Variants in LRRTM4 observed in about 807,000 individuals in gnomAD.
LRRTM4 encodes the protein leucine-rich repeat transmembrane neuronal protein 4.
LRRTM4 carries 25 observed loss-of-function variants against 47.6 expected under a neutral mutation model. The observed-to-expected ratio is 0.53, with a 90% CI of 0.38 to 0.73. The LOEUF (loss-of-function observed/expected upper bound fraction) is 0.73. Among genes scored for constraint, LRRTM4 ranks in the 30% least tolerant of loss-of-function variants. The probability of loss-of-function intolerance (pLI) is 0.00; values close to 1 mark genes in which losing one functional copy is unlikely to be tolerated. For missense variants in LRRTM4, 638 were observed against 713.4 expected, an observed-to-expected ratio of 0.89 and a Z score of 1.20; for synonymous variants, 311 against 269.5, an observed-to-expected ratio of 1.15 and a Z score of -1.51.
intron 3 of LRRTM4, among the ~76,000 whole-genome samples, chr2:76,994,523 C>A (rs1307202803): frequency 6.7e-6 from 1 of 150,072 alleles, no homozygotes; most frequent in Non-Finnish European, 1.5e-5. Flanking sequence ...TGTCTCTGAT[C>A]CAGGAGCCTC....
intron 3 of LRRTM4, among the ~76,000 whole-genome samples, chr2:77,060,841 A>T (rs1176458916): frequency 1.3e-5 from 2 of 152,144 alleles, no homozygotes; most frequent in Non-Finnish European, 1.5e-5. Context: ...AGAAAAATTC[A>T]TGGAAACATG....
chr2:76,951,116 T>C (rs1042513916), intron 3 of LRRTM4, among the ~76,000 whole-genome samples: 1 of 152,086 alleles, frequency 6.6e-6, no homozygotes, highest in Non-Finnish European at 1.5e-5. Flanking sequence ...AATGATAGAT[T>C]GGCTGCTCTG....
At chr2:76,869,902 A>G (rs1672574542) in intron 3 of LRRTM4, among the ~76,000 whole-genome samples, 1 of 152,326 alleles carries the variant, frequency 6.6e-6, no homozygotes, top group African/African-American at 2.4e-5. Flanking sequence ...ATAAAATTAC[A>G]TTTGCTTTCT....
chr2:76,864,748 T>G (rs1396271137), intron 3 of LRRTM4, among the ~76,000 whole-genome samples: 2 of 150,950 alleles, frequency 1.3e-5, no homozygotes, highest in Non-Finnish European at 3.0e-5. Context: ...TAAGACAAGG[T>G]CTCTCTGTTT....
At chr2:76,931,040 T>A (rs1287477977) in intron 3 of LRRTM4, among the ~76,000 whole-genome samples, 1 of 152,106 alleles carries the variant, frequency 6.6e-6, no homozygotes, top group Non-Finnish European at 1.5e-5. Context: ...GTATTTTACA[T>A]TTGTTTAAAA....
At chr2:77,056,250 AG>A (rs1197742480) in intron 3 of LRRTM4, among the ~76,000 whole-genome samples, 1 of 152,196 alleles carries the variant, frequency 6.6e-6, no homozygotes, top group Non-Finnish European at 1.5e-5. Flanking sequence ...CAGTTTAGAG[AG>A]ACCAATAAAT....
chr2:77,074,006 T>TA (rs1680251013), intron 3 of LRRTM4, among the ~76,000 whole-genome samples: 1 of 152,134 alleles, frequency 6.6e-6, no homozygotes, highest in African/African-American at 2.4e-5. Flanking sequence ...ATAAATAACA[T>TA]ATTGTGTACA....
At chr2:77,235,324 A>G (rs1366350391) in intron 3 of LRRTM4, among the ~76,000 whole-genome samples, 2 of 152,212 alleles carry the variant, frequency 1.3e-5, no homozygotes, top group East Asian at 1.9e-4. Context: ...GGCTGCTCAT[A>G]TATCTTCTTC....
At chr2:76,975,200 GTTTC>G (rs527915854) in intron 3 of LRRTM4, among the ~76,000 whole-genome samples, 8 of 151,648 alleles carry the variant, frequency 5.3e-5, no homozygotes, top group Non-Finnish European at 1.0e-4. Context: ...TGCTAACTGA[GTTTC>G]TTTTTTTCTC....
At chr2:77,016,749 A>C (rs1242486631) in intron 3 of LRRTM4, among the ~76,000 whole-genome samples, 1 of 152,148 alleles carries the variant, frequency 6.6e-6, no homozygotes, top group Non-Finnish European at 1.5e-5. Context: ...TACATATTAG[A>C]ATTACACTTT....
At chr2:77,092,314 A>C (rs1055815545) in intron 3 of LRRTM4, among the ~76,000 whole-genome samples, 48 of 151,124 alleles carry the variant, frequency 3.2e-4, no homozygotes, top group African/African-American at 1.0e-3. Flanking sequence ...CATTTCCCCA[A>C]ATTTCCTTCT....
At chr2:77,510,426 A>G (rs1678939898) in intron 3 of LRRTM4, among the ~76,000 whole-genome samples, 1 of 152,120 alleles carries the variant, frequency 6.6e-6, no homozygotes, top group South Asian at 2.1e-4. Context: ...TCACAATTTC[A>G]AGGCTTTGCC....
At chr2:76,756,158 A>G (rs1673024302) in intron 3 of LRRTM4, among the ~76,000 whole-genome samples, 1 of 152,172 alleles carries the variant, frequency 6.6e-6, no homozygotes, top group African/African-American at 2.4e-5. Flanking sequence ...ACAGTATCAC[A>G]TGATAATTGG....
chr2:76,925,835 T>G (rs1674572935), intron 3 of LRRTM4, among the ~76,000 whole-genome samples: 1 of 152,140 alleles, frequency 6.6e-6, no homozygotes, highest in Admixed American at 6.6e-5. Context: ...GAACTAGCTA[T>G]ACTCCCAAGA....
At chr2:77,055,942 A>G (rs1024368855) in intron 3 of LRRTM4, among the ~76,000 whole-genome samples, 292 of 150,920 alleles carry the variant, frequency 1.9e-3, no homozygotes, top group African/African-American at 7.0e-3. Flanking sequence ...TTGCAAGAAC[A>G]AAAAACCAAA....
At chr2:76,946,217 T>C (rs1233497976) in intron 3 of LRRTM4, among the ~76,000 whole-genome samples, 4 of 151,926 alleles carry the variant, frequency 2.6e-5, no homozygotes, top group Non-Finnish European at 5.9e-5. Flanking sequence ...GGACATAATA[T>C]AAATATGCAT....
chr2:77,372,099 C>CT (rs1327583995), intron 3 of LRRTM4, among the ~76,000 whole-genome samples: 6 of 151,868 alleles, frequency 4.0e-5, no homozygotes, highest in African/African-American at 1.4e-4. Flanking sequence ...GACACTAAAG[C>CT]TTTAAAAAAA....
chr2:77,473,666 G>C (rs1002792660), intron 3 of LRRTM4, among the ~76,000 whole-genome samples: 1 of 152,022 alleles, frequency 6.6e-6, no homozygotes, highest in Non-Finnish European at 1.5e-5. Flanking sequence ...TGACTTAATT[G>C]TTTCTTTGGG....
chr2:76,955,058 C>G (rs1414252524), intron 3 of LRRTM4, among the ~76,000 whole-genome samples: 1 of 151,774 alleles, frequency 6.6e-6, no homozygotes, highest in Non-Finnish European at 1.5e-5. Context: ...ACCATTAGAC[C>G]TGCCTTCCAC....
Sources: allele counts gnomAD v4.1 joint callset (sites outside exome capture counted in the v4.1 genomes callset), GRCh38; gene constraint gnomAD v4.1.1; transcripts MANE v1.5; gene names NCBI Gene and HGNC (gene_info 2026-07-23, HGNC 2026-07-21).